ARHGAP6: variants seen among roughly 807,000 people sequenced by gnomAD.
The protein encoded by ARHGAP6 is rho GTPase-activating protein 6.
ARHGAP6 carries 16 observed loss-of-function variants against 55.7 expected under a neutral mutation model. The ratio of observed to expected loss-of-function variants is 0.29; its 90% confidence interval spans 0.19 to 0.44. The LOEUF (loss-of-function observed/expected upper bound fraction) is 0.44. ARHGAP6 is among the 20% of genes least tolerant of loss of function. ARHGAP6 has a pLI of 1.00. For synonymous variants in ARHGAP6, 382 were observed against 360.9 expected, an observed-to-expected ratio of 1.06 and a Z score of -0.66; for missense variants, 698 against 808.9, an observed-to-expected ratio of 0.86 and a Z score of 1.66.
At chrX:11,516,701 T>C (rs1310205225) in intron 1 of ARHGAP6, among the ~76,000 whole-genome samples, 2 of 112,415 alleles carry the variant, frequency 1.8e-5, no homozygotes, top group Non-Finnish European at 3.8e-5. Flanking sequence ...TCAGTTTTAT[T>C]GATATTTCTT....
At chrX:11,627,275 C>T (rs1396670130) in intron 1 of ARHGAP6, among the ~76,000 whole-genome samples, 3 of 110,851 alleles carry the variant, frequency 2.7e-5, no homozygotes, top group Non-Finnish European at 5.7e-5. Flanking sequence ...CACAATATTC[C>T]AACATGATTA....
chrX:11,263,899 G>A (rs901233644), intron 1 of ARHGAP6, among the ~76,000 whole-genome samples: 6 of 111,569 alleles, frequency 5.4e-5, no homozygotes, highest in Non-Finnish European at 1.1e-4. Flanking sequence ...CTGACTAGCC[G>A]GGGAGCCAAG....
chrX:11,603,102 G>C (rs188624818), intron 1 of ARHGAP6, among the ~76,000 whole-genome samples: 3 of 111,889 alleles, frequency 2.7e-5, no homozygotes, highest in African/African-American at 9.7e-5. Flanking sequence ...CATGACCTTC[G>C]CTCTGAAAAG....
At chrX:11,540,584 T>A (rs2051148356) in intron 1 of ARHGAP6, among the ~76,000 whole-genome samples, 1 of 111,459 alleles carries the variant, frequency 9.0e-6, no homozygotes. Flanking sequence ...GAGTCTTAGA[T>A]CCCTCTTTGG....
chrX:11,631,580 C>T (rs2052362387), intron 1 of ARHGAP6, among the ~76,000 whole-genome samples: 1 of 110,372 alleles, frequency 9.1e-6, no homozygotes, highest in Non-Finnish European at 1.9e-5. Context: ...AGCACGACTC[C>T]CCAAGTTCTA....
At chrX:11,558,613 G>A (rs754814469) in intron 1 of ARHGAP6, among the ~76,000 whole-genome samples, 3 of 108,862 alleles carry the variant, frequency 2.8e-5, no homozygotes, top group South Asian at 8.2e-4. Flanking sequence ...CGAGGTGGGC[G>A]GATCACGAGG....
chrX:11,165,438 G>T (rs1278928856), intron 9 of ARHGAP6, among the ~76,000 whole-genome samples: 1 of 111,806 alleles, frequency 8.9e-6, no homozygotes, highest in Non-Finnish European at 1.9e-5. Flanking sequence ...AGTGGGCAGA[G>T]TGGGCTTGAT....
intron 1 of ARHGAP6, among the ~76,000 whole-genome samples, chrX:11,595,267 G>A (rs1341032639): frequency 1.9e-5 from 2 of 105,393 alleles, no homozygotes. Flanking sequence ...TCCAGCCTGG[G>A]TGACAGGGTG....
intron 1 of ARHGAP6, among the ~76,000 whole-genome samples, chrX:11,363,451 C>T (rs1228319508): frequency 8.9e-6 from 1 of 112,053 alleles, no homozygotes; most frequent in Admixed American, 9.5e-5. Context: ...ATTTTTCTCA[C>T]CTTATTGCCC....
chrX:11,222,726 T>C (rs776159438), intron 2 of ARHGAP6, among the ~76,000 whole-genome samples: 3 of 112,066 alleles, frequency 2.7e-5, no homozygotes, highest in African/African-American at 9.7e-5. Flanking sequence ...TACTTTATTG[T>C]GTATTATGTT....
At chrX:11,243,904 G>A (rs897895837) in intron 2 of ARHGAP6, among the ~76,000 whole-genome samples, 1 of 111,869 alleles carries the variant, frequency 8.9e-6, no homozygotes, top group African/African-American at 3.2e-5. Flanking sequence ...CTACCATATC[G>A]CCTAGGTGTG....
At chrX:11,186,565 A>G (rs1397213075) in intron 4 of ARHGAP6, 134 bp from the exon 5 acceptor site, 1 of 408,777 alleles carries the variant, frequency 2.4e-6, no homozygotes, top group African/African-American at 2.5e-5. Flanking sequence ...GATTTCTTTA[A>G]TTGTTCTGTT....
chrX:11,632,518 C>T lies in ARHGAP6; in HGVS notation c.588+31723G>A, dbSNP rs993399813. ...GCTCCAATTTGATTTGAACACTAAT[C>T]CTCTAAGTTAGAGACTTGGAATTAT... On this transcript the variant is annotated intron_variant, in intron 1 of 12. Coordinates refer to ENST00000337414, the MANE Select transcript of ARHGAP6 (RefSeq NM_013427.3). 7.1e-5 allele frequency among the ~76,000 whole-genome samples: 8 copies of T among 112,199 alleles called. No individual in the cohort carries two copies. The Admixed American group carries it at 7.6e-4, about 11-fold the overall frequency.
intron 1 of ARHGAP6, among the ~76,000 whole-genome samples, chrX:11,538,990 G>C (rs374408522): frequency 9.1e-6 from 1 of 110,493 alleles, no homozygotes; most frequent in East Asian, 2.8e-4. Context: ...AAGTAGGTGG[G>C]ACTACAGGTG....
intron 1 of ARHGAP6, among the ~76,000 whole-genome samples, chrX:11,640,647 C>T (rs1455132726): frequency 9.0e-6 from 1 of 111,202 alleles, no homozygotes; most frequent in African/African-American, 3.3e-5. Context: ...AATTTCATAC[C>T]CATCTTCCTT....
chrX:11,520,546 T>G (rs1445862085), intron 1 of ARHGAP6, among the ~76,000 whole-genome samples: 1 of 111,003 alleles, frequency 9.0e-6, no homozygotes, highest in Admixed American at 9.7e-5. Flanking sequence ...CACATTTTCT[T>G]AATCCAGTCT....
intron 1 of ARHGAP6, among the ~76,000 whole-genome samples, chrX:11,451,336 A>T (rs929161715): frequency 5.4e-5 from 6 of 111,953 alleles, no homozygotes; most frequent in African/African-American, 1.9e-4. Context: ...ACCACTTGTT[A>T]CCATAGCAAC....
intron 9 of ARHGAP6, among the ~76,000 whole-genome samples, chrX:11,159,723 G>T (rs190021504): frequency 9.0e-6 from 1 of 111,282 alleles, no homozygotes; most frequent in Non-Finnish European, 1.9e-5. Context: ...CATAGGAGAG[G>T]TCTGGGTTGA....
At chrX:11,286,158 T>C (rs1233626032) in intron 1 of ARHGAP6, among the ~76,000 whole-genome samples, 1 of 112,278 alleles carries the variant, frequency 8.9e-6, no homozygotes, top group East Asian at 2.8e-4. Flanking sequence ...TGGCATATAC[T>C]ATTGAATTTT....
Sources: allele counts gnomAD v4.1 joint callset (sites outside exome capture counted in the v4.1 genomes callset), GRCh38; gene constraint gnomAD v4.1.1; transcripts MANE v1.5; gene names NCBI Gene and HGNC (gene_info 2026-07-23, HGNC 2026-07-21).